Variants in PLD1 observed in about 807,000 individuals in gnomAD.
PLD1 encodes the protein choline phosphatase 1.
In PLD1, 112 loss-of-function variants were observed where a neutral mutation model predicts 137.1. That is an observed-to-expected ratio of 0.82 (90% CI 0.70 to 0.96). The LOEUF is 0.96. PLD1 is among the 40% of genes least tolerant of loss of function. The pLI is 0.00. For missense variants in PLD1, 1,321 were observed against 1,342.0 expected (o/e 0.98, Z 0.24); for synonymous variants, 431 against 454.7 (o/e 0.95, Z 0.66).
intron 16 of PLD1, among the ~76,000 whole-genome samples, chr3:171,680,516 G>A (rs528989138): frequency 5.5e-4 from 83 of 152,058 alleles, no homozygotes; most frequent in Admixed American, 2.8e-3. Context: ...TTACAGGCGT[G>A]AGCCACCACA....
intron 9 of PLD1, 29 bp from the exon 10 acceptor site, chr3:171,709,738 G>A: frequency 6.3e-7 from 1 of 1,598,408 alleles, no homozygotes; most frequent in Non-Finnish European, 8.5e-7. Flanking sequence ...ATATTGAAAA[G>A]ACTGGTCACT....
intron 1 of PLD1, among the ~76,000 whole-genome samples, chr3:171,738,781 C>A (rs1719567915): frequency 6.6e-6 from 1 of 152,152 alleles, no homozygotes; most frequent in South Asian, 2.1e-4. Context: ...CTATTTCATT[C>A]TGACATTTAA....
At chr3:171,801,274 T>TA (rs1379054796) in intron 1 of PLD1, among the ~76,000 whole-genome samples, 1 of 152,222 alleles carries the variant, frequency 6.6e-6, no homozygotes, top group Non-Finnish European at 1.5e-5. Flanking sequence ...CTATTGCAAA[T>TA]ACAGGATGAA....
chr3:171,637,220 T>C (rs1487361942), intron 23 of PLD1, among the ~76,000 whole-genome samples: 1 of 152,192 alleles, frequency 6.6e-6, no homozygotes, highest in Non-Finnish European at 1.5e-5. Flanking sequence ...GGAATATTGA[T>C]CTGATTGATC....
At chr3:171,779,154 C>A (rs190491843) in intron 1 of PLD1, among the ~76,000 whole-genome samples, 1 of 152,126 alleles carries the variant, frequency 6.6e-6, no homozygotes, top group Non-Finnish European at 1.5e-5. Flanking sequence ...GTGCTGAGAT[C>A]GTGCCACTGC....
chr3:171,706,406 C>T (rs1018055987), intron 11 of PLD1, among the ~76,000 whole-genome samples: 6 of 152,064 alleles, frequency 3.9e-5, no homozygotes, highest in Admixed American at 1.3e-4. Context: ...AACTTAAATA[C>T]TTTTAAAACA....
intron 11 of PLD1, among the ~76,000 whole-genome samples, chr3:171,707,505 T>G (rs1716784663): frequency 6.6e-6 from 1 of 152,172 alleles, no homozygotes; most frequent in Admixed American, 6.5e-5. Flanking sequence ...CATGAAACAT[T>G]TTTTCCTCCT....
Position 171,677,592 on chromosome 3 carries a change from C to CTGGTG in PLD1, c.1969_1970insCACCA (p.Trp657SerfsTer53). Reference sequence around the variant, plus strand: ...AGCAAAAGGTTTATCAAGTTGAACCCAGTCTTTGAAGACGAAATTGCAGTA... The same window carrying CTGGTG: ...AGCAAAAGGTTTATCAAGTTGAACCCTGGTGAGTCTTTGAAGACGAAATTGCAGTA... On this transcript the variant is annotated frameshift_variant, in exon 17 of 27. Transcript: ENST00000351298. LOFTEE classifies it high-confidence loss of function. 1 of 1,614,030 alleles carries CTGGTG rather than the reference C, an allele frequency of 6.2e-7. No homozygotes were observed. The highest frequency in any genetic ancestry group is 1.7e-5 in the Admixed American group (1 of 60,008).
At chr3:171,607,080 T>TC (rs1427242373) in intron 25 of PLD1, among the ~76,000 whole-genome samples, 1 of 152,204 alleles carries the variant, frequency 6.6e-6, no homozygotes, top group Non-Finnish European at 1.5e-5. Context: ...GTATAAAAAT[T>TC]TTTTTAAAAT....
intron 9 of PLD1, among the ~76,000 whole-genome samples, chr3:171,712,779 T>C (rs551011922): frequency 6.6e-6 from 1 of 152,314 alleles, no homozygotes; most frequent in East Asian, 1.9e-4. Context: ...CAGTGAGAAC[T>C]GTGGCCAGAC....
intron 23 of PLD1, 77 bp downstream of exon 23, chr3:171,642,763 G>T: frequency 1.2e-6 from 1 of 801,852 alleles, no homozygotes; most frequent in Non-Finnish European, 2.1e-6. Flanking sequence ...TAATCACACT[G>T]TGAAAACATT....
At chr3:171,763,491 A>G (rs1443180905) in intron 1 of PLD1, among the ~76,000 whole-genome samples, 31 of 9,220 alleles carry the variant, frequency 3.4e-3, no homozygotes, top group Admixed American at 5.3e-3. Flanking sequence ...GGAGGAGGGG[A>G]GGGGAGGGGG....
At chr3:171,704,141 C>T (rs1214762446) in intron 11 of PLD1, among the ~76,000 whole-genome samples, 1 of 152,174 alleles carries the variant, frequency 6.6e-6, no homozygotes, top group African/African-American at 2.4e-5. Context: ...GGATTTCATC[C>T]TAAACATCAC....
chr3:171,642,029 T>C (rs1421044165), intron 23 of PLD1, among the ~76,000 whole-genome samples: 5 of 152,134 alleles, frequency 3.3e-5, no homozygotes. Flanking sequence ...AGAGCAAAGA[T>C]ATAGAGCACA....
chr3:171,706,627 C>T (rs1404307251), intron 11 of PLD1, among the ~76,000 whole-genome samples: 1 of 152,160 alleles, frequency 6.6e-6, no homozygotes, highest in Non-Finnish European at 1.5e-5. Context: ...ATTTAACATA[C>T]TGACTCCATA....
Position 171,631,653 on chromosome 3 carries a change from G to A in PLD1, c.2594-11133C>T, listed in dbSNP as rs774926443. Among the ~76,000 whole-genome samples, 6 of 152,058 alleles carry A rather than the reference G, an allele frequency of 3.9e-5. No homozygotes were observed. The East Asian group carries it at 5.8e-4, about 15-fold the overall frequency. On this transcript the variant is annotated intron_variant, in intron 23 of 26. Transcript: ENST00000351298. ...GTGCCAGTAAAAGAAGATGATTAGCGGGGACATGTCCAAAAATCATCAAGC... is the reference window on the plus strand; with the variant it reads ...GTGCCAGTAAAAGAAGATGATTAGCAGGGACATGTCCAAAAATCATCAAGC...
At chr3:171,741,883 CAAT>C (rs1256506170) in intron 1 of PLD1, among the ~76,000 whole-genome samples, 9 of 152,194 alleles carry the variant, frequency 5.9e-5, no homozygotes, top group African/African-American at 2.2e-4. Context: ...AGCCAAAATA[CAAT>C]AATAATATCA....
At chr3:171,608,349 T>A (rs1003416453) in intron 25 of PLD1, among the ~76,000 whole-genome samples, 3 of 152,032 alleles carry the variant, frequency 2.0e-5, no homozygotes, top group Non-Finnish European at 4.4e-5. Flanking sequence ...TCAGTTCTTT[T>A]CTTCATCTAT....
chr3:171,620,742 C>CTCTA (rs1473647659), intron 23 of PLD1, among the ~76,000 whole-genome samples: 1,146 of 94,678 alleles, frequency 0.012, 10 homozygotes, highest in Non-Finnish European at 0.017. Flanking sequence ...CTCTCTCTCT[C>CTCTA]TATATATATA....
Sources: allele counts gnomAD v4.1 joint callset (sites outside exome capture counted in the v4.1 genomes callset), GRCh38; gene constraint gnomAD v4.1.1; transcripts MANE v1.5; gene names NCBI Gene and HGNC (gene_info 2026-07-23, HGNC 2026-07-21).